OGDH: variants seen among roughly 807,000 people sequenced by gnomAD.
OGDH encodes the protein oxoglutarate dehydrogenase, also known as 2-oxoglutarate dehydrogenase complex component E1.
In OGDH, 38 loss-of-function variants were observed where a neutral mutation model predicts 116.6. The ratio of observed to expected loss-of-function variants is 0.33; its 90% CI spans 0.25 to 0.43. OGDH has a LOEUF of 0.43. OGDH is among the 20% of genes least tolerant of loss of function. The pLI is 1.00. For synonymous variants in OGDH, 488 were observed against 533.3 expected (o/e 0.92, Z 1.17); for missense variants, 825 against 1,357.2 (o/e 0.61, Z 6.16).
intron 10 of OGDH, among the ~76,000 whole-genome samples, chr7:44,682,975 C>T (rs548544718): frequency 5.3e-5 from 8 of 151,924 alleles, no homozygotes; most frequent in African/African-American, 1.7e-4. Context: ...AGTGAAACCC[C>T]GTCTCTACTA....
At chr7:44,691,909 G>A (rs936414968) in intron 10 of OGDH, among the ~76,000 whole-genome samples, 1 of 150,754 alleles carries the variant, frequency 6.6e-6, no homozygotes, top group African/African-American at 2.5e-5. Context: ...TGTGAACCCG[G>A]GAGGTGGAGC....
chr7:44,701,652 G>T, intron 20 of OGDH, 37 bp downstream of exon 20: 1 of 1,580,560 alleles, frequency 6.3e-7, no homozygotes. Flanking sequence ...CTTGGGGGAA[G>T]CTATGTTTGG....
At chr7:44,647,844 A>C in intron 4 of OGDH, 85 bp downstream of exon 4, 1 of 991,780 alleles carries the variant, frequency 1.0e-6, no homozygotes, top group Non-Finnish European at 1.6e-6. Context: ...TCCAGGCAGG[A>C]GGGAAAGGCT....
intron 1 of OGDH, among the ~76,000 whole-genome samples, chr7:44,615,607 T>G (rs1047496149): frequency 1.3e-5 from 2 of 152,232 alleles, no homozygotes; most frequent in African/African-American, 4.8e-5. Context: ...TCCATCTTGC[T>G]GCTCTTTTCC....
chr7:44,685,658 G>T (rs1383681971), intron 10 of OGDH, among the ~76,000 whole-genome samples: 1 of 150,056 alleles, frequency 6.7e-6, no homozygotes, highest in African/African-American at 2.5e-5. Context: ...TTGCTCTGTT[G>T]CCCAGGCTGA....
intron 17 of OGDH, 62 bp from the exon 18 acceptor site, chr7:44,698,130 C>T (rs1788667229): frequency 5.1e-6 from 8 of 1,563,366 alleles, no homozygotes; most frequent in Non-Finnish European, 7.1e-6. Context: ...GGAGGAACAG[C>T]AGATGCGGCA....
chr7:44,624,476 G>C lies in OGDH; in HGVS notation c.133G>C (p.Ala45Pro). 6.2e-7 allele frequency: 1 copy of C among 1,613,778 alleles called. No homozygotes were observed. Among genetic ancestry groups the C allele is most frequent in the Middle Eastern group, 1.7e-4 (1 of 6,060 alleles). Residue 45 changes from alanine (A) to proline (P), a missense_variant, in exon 2 of 23, where the codon GCT becomes CCT. By Grantham distance (27) the Ala-to-Pro change is conservative. Coordinates refer to ENST00000222673, the MANE Select transcript of OGDH (RefSeq NM_002541.4). The stretch of plus-strand genomic sequence containing the variant: ...GATTCGGTGCTATTCTGCACCTGTT[G>C]CTGCTGAGCCCTTTCTCAGTGGGAC... ...QQIRCYSAPVAAEPFLSGTSS... is the reference protein window; with the variant it reads ...QQIRCYSAPVPAEPFLSGTSS...
intron 1 of OGDH, among the ~76,000 whole-genome samples, chr7:44,610,057 C>A (rs764700810): frequency 1.4e-4 from 21 of 152,036 alleles, no homozygotes; most frequent in Non-Finnish European, 3.1e-4. Flanking sequence ...ATCAAGTGAT[C>A]CTCCTGTCTT....
At chr7:44,629,562 CCTTTTT>C (rs1785341268) in intron 2 of OGDH, among the ~76,000 whole-genome samples, 1 of 149,152 alleles carries the variant, frequency 6.7e-6, no homozygotes, top group South Asian at 2.1e-4. Flanking sequence ...TCTTTTCTTT[CCTTTTT>C]CTTTTTCTTT....
intron 4 of OGDH, among the ~76,000 whole-genome samples, chr7:44,665,372 T>TA (rs1269547737): frequency 6.6e-6 from 1 of 150,396 alleles, no homozygotes; most frequent in Non-Finnish European, 1.5e-5. Context: ...TTTTAAGACT[T>TA]AAAAAACAAA....
At chr7:44,706,616 C>T (rs1585409687) in intron 20 of OGDH, among the ~76,000 whole-genome samples, 1 of 138,576 alleles carries the variant, frequency 7.2e-6, no homozygotes, top group African/African-American at 3.0e-5. Context: ...GCCATGCGCC[C>T]GGCTGGTATT....
intron 1 of OGDH, among the ~76,000 whole-genome samples, chr7:44,623,359 C>T (rs1785073962): frequency 6.6e-6 from 1 of 152,188 alleles, no homozygotes; most frequent in African/African-American, 2.4e-5. Context: ...ATTTCCTCTG[C>T]AATCTTTTCT....
chr7:44,641,602 C>G (rs779951112), intron 2 of OGDH, among the ~76,000 whole-genome samples: 1 of 152,154 alleles, frequency 6.6e-6, no homozygotes, highest in Non-Finnish European at 1.5e-5. Flanking sequence ...CAGACTGACT[C>G]CTGCTCAGTT....
At chr7:44,633,958 T>G (rs1243914972) in intron 2 of OGDH, among the ~76,000 whole-genome samples, 1 of 152,228 alleles carries the variant, frequency 6.6e-6, no homozygotes, top group Non-Finnish European at 1.5e-5. Flanking sequence ...TGTCATCTTT[T>G]CATGCAGTAA....
chr7:44,663,325 C>G (rs1241071139), intron 4 of OGDH, among the ~76,000 whole-genome samples: 2 of 152,190 alleles, frequency 1.3e-5, no homozygotes, highest in African/African-American at 2.4e-5. Context: ...TTGTCTCTAT[C>G]GTGTTCTTAA....
chr7:44,652,189 A>G (rs939976183), intron 4 of OGDH, among the ~76,000 whole-genome samples: 8 of 149,102 alleles, frequency 5.4e-5, no homozygotes, highest in African/African-American at 2.0e-4. Flanking sequence ...TTTCACTGCA[A>G]TCTCCGCCTC....
chr7:44,624,695 C>T (rs1412138813), intron 2 of OGDH, 130 bp downstream of exon 2: 1 of 767,644 alleles, frequency 1.3e-6, no homozygotes, highest in Non-Finnish European at 2.3e-6. Context: ...ATACCAACCA[C>T]CGTATCTGTA....
intron 1 of OGDH, among the ~76,000 whole-genome samples, chr7:44,613,628 G>A (rs1206789849): frequency 2.0e-5 from 3 of 152,050 alleles, no homozygotes; most frequent in African/African-American, 7.2e-5. Flanking sequence ...CAAAGTGCTG[G>A]GATTACAGGC....
intron 2 of OGDH, among the ~76,000 whole-genome samples, chr7:44,638,274 G>C (rs533297827): frequency 6.6e-6 from 1 of 152,108 alleles, no homozygotes; most frequent in Non-Finnish European, 1.5e-5. Context: ...ACCCACGTAC[G>C]TCATTGTGAC....
Sources: gnomAD v4.1 joint callset for allele counts (sites outside exome capture counted in the v4.1 genomes callset) on GRCh38, gnomAD v4.1.1 for gene constraint, MANE v1.5 for transcripts, NCBI Gene and HGNC (gene_info 2026-07-23, HGNC 2026-07-21) for gene names.